Variants in GANC observed in about 807,000 individuals in gnomAD.
The protein encoded by GANC is neutral alpha-glucosidase C.
GANC carries 117 observed loss-of-function variants against 124.2 expected under a neutral mutation model. The ratio of observed to expected loss-of-function variants is 0.94; its 90% CI spans 0.81 to 1.10. The LOEUF is 1.10. GANC is among the 50% of genes least tolerant of loss of function. GANC has a pLI of 0.00. For missense variants in GANC, 1,140 were observed against 1,095.0 expected (o/e 1.04, Z -0.58); for synonymous variants, 377 against 376.8 (o/e 1.00, Z -0.01).
At chr15:42,284,824 G>A (rs993592172) in intron 3 of GANC, among the ~76,000 whole-genome samples, 2 of 152,056 alleles carry the variant, frequency 1.3e-5, no homozygotes, top group African/African-American at 4.8e-5. Context: ...ATACTTCTAA[G>A]GGAGCAAAAC....
intron 6 of GANC, among the ~76,000 whole-genome samples, chr15:42,305,114 T>C (rs1236343065): frequency 6.6e-6 from 1 of 152,106 alleles, no homozygotes; most frequent in Non-Finnish European, 1.5e-5. Context: ...ACAAATGGGA[T>C]CTGATTAAAC....
At chr15:42,334,614 C>G (rs2052270162) in intron 15 of GANC, among the ~76,000 whole-genome samples, 1 of 151,778 alleles carries the variant, frequency 6.6e-6, no homozygotes, top group Non-Finnish European at 1.5e-5. Context: ...AATGAAATGG[C>G]AAGCCACCGA....
chr15:42,305,403 A>G (rs1263564574), intron 6 of GANC, among the ~76,000 whole-genome samples: 2 of 152,246 alleles, frequency 1.3e-5, no homozygotes, highest in Non-Finnish European at 1.5e-5. Context: ...ATGAGATACC[A>G]TCTCACACCA....
intron 1 of GANC, 78 bp from the exon 2 acceptor site, chr15:42,276,270 C>G: frequency 1.4e-6 from 1 of 713,298 alleles, no homozygotes. Flanking sequence ...CATGTTCATA[C>G]TGTCGTTAGA....
At chr15:42,277,915 GAAAAA>G (rs59950616) in intron 2 of GANC, 1,097 of 83,856 alleles carry the variant, frequency 0.013, 7 homozygotes, top group Middle Eastern at 0.062. Context: ...ATGTTCATTT[GAAAAA>G]AAAAAAAAAA....
intron 6 of GANC, among the ~76,000 whole-genome samples, chr15:42,305,915 G>T (rs539688036): frequency 6.6e-6 from 1 of 152,128 alleles, no homozygotes; most frequent in African/African-American, 2.4e-5. Context: ...GACACAGGGA[G>T]GGGAACATCA....
Position 42,345,805 on chromosome 15 carries a change from T to C in GANC, c.2277T>C (p.Thr759=), listed in dbSNP as rs755432901. The change falls in exon 20 of 24, where the codon ACT becomes ACC. Residue 759 remains threonine (T), a synonymous_variant. Transcript: ENST00000318010. ...TTGCTCATTGGGAAGGAGGGTGTAC[T>C]GTAAAGATCCCAGTAGCCTTGGACA... ...KTFAHWEGGC[T]VKIPVALDTI... is the part of the protein sequence containing the mutation. The C allele has an allele frequency of 2.7e-5, 44 of 1,611,444 alleles. No individual in the cohort carries two copies. The highest frequency in any genetic ancestry group is 1.6e-4 in the Middle Eastern group (1 of 6,076).
At chr15:42,324,552 C>T (rs1248933041) in intron 11 of GANC, among the ~76,000 whole-genome samples, 2 of 152,060 alleles carry the variant, frequency 1.3e-5, no homozygotes, top group African/African-American at 2.4e-5. Context: ...GGTTGCAACT[C>T]CATTGACAGA....
At chr15:42,340,551 C>A in intron 17 of GANC, 139 bp from the exon 18 acceptor site, 1 of 641,702 alleles carries the variant, frequency 1.6e-6, no homozygotes, top group Non-Finnish European at 2.6e-6. Context: ...CTGCAGTGAG[C>A]CAAGATAGCA....
chr15:42,349,591 T>C, intron 22 of GANC, 96 bp downstream of exon 22: 1 of 752,772 alleles, frequency 1.3e-6, no homozygotes, highest in Non-Finnish European at 2.3e-6. Context: ...TTTAAGTTAC[T>C]ATTTAAAGAA....
At chr15:42,329,497 T>C in intron 14 of GANC, 48 bp downstream of exon 14, 1 of 1,557,694 alleles carries the variant, frequency 6.4e-7, no homozygotes, top group Non-Finnish European at 8.7e-7. Flanking sequence ...ACCCACCTTT[T>C]GGCTGAAGGT....
chr15:42,346,276 G>A (rs995233188), intron 20 of GANC, among the ~76,000 whole-genome samples: 2 of 152,158 alleles, frequency 1.3e-5, no homozygotes, highest in Non-Finnish European at 2.9e-5. Flanking sequence ...AAGAACCAAG[G>A]ATGCTAGTGT....
chr15:42,313,885 A>G, intron 10 of GANC: 1 of 575,996 alleles, frequency 1.7e-6, no homozygotes, highest in Non-Finnish European at 3.0e-6. Context: ...TTCCCAGAGA[A>G]AGGCTGCAGT....
intron 22 of GANC, among the ~76,000 whole-genome samples, chr15:42,350,905 T>C (rs1310269271): frequency 6.7e-6 from 1 of 148,640 alleles, no homozygotes; most frequent in Non-Finnish European, 1.5e-5. Context: ...GGAGTCTCAC[T>C]GTATCACCCA....
rs1270751644 is a variant in GANC, at chr15:42,348,207, A to G, written c.2409A>G (p.Leu803=). Residue 803 remains leucine, a synonymous_variant, in exon 21 of 24, where the codon CTA becomes CTG. Transcript: ENST00000318010. ...CCTCCTATGGACTCCGGGTTGCTCT[A>G]AGCACTAAGGTATTTGGTAAATCTG... The part of the protein sequence containing the change: ...TESSYGLRVA[L]STKGSSVGEL... The G allele has an allele frequency of 4.4e-6, 7 of 1,603,722 alleles. No homozygotes were observed. Among genetic ancestry groups the G allele is most frequent in the Non-Finnish European group, 6.0e-6 (7 of 1,171,700 alleles).
At chr15:42,290,490 CT>C (rs1200593119) in intron 4 of GANC, among the ~76,000 whole-genome samples, 1 of 152,122 alleles carries the variant, frequency 6.6e-6, no homozygotes, top group Non-Finnish European at 1.5e-5. Context: ...CAGGCATTAA[CT>C]GGGAAAACGT....
At chr15:42,346,296 T>A (rs1468525706) in intron 20 of GANC, among the ~76,000 whole-genome samples, 1 of 152,160 alleles carries the variant, frequency 6.6e-6, no homozygotes, top group Non-Finnish European at 1.5e-5. Context: ...TTCTGCACAA[T>A]AGCACATATG....
chr15:42,287,098 G>C (rs1364419271), intron 3 of GANC, among the ~76,000 whole-genome samples: 3 of 152,274 alleles, frequency 2.0e-5, no homozygotes, highest in East Asian at 3.9e-4. Context: ...ATTTTACTTA[G>C]GTTCCCCAGC....
intron 10 of GANC, among the ~76,000 whole-genome samples, chr15:42,319,295 C>T (rs1173712483): frequency 6.6e-6 from 1 of 152,070 alleles, no homozygotes; most frequent in Admixed American, 6.5e-5. Flanking sequence ...TTCAGTCAGA[C>T]AAACTCATGA....
Sources: gnomAD v4.1 joint callset for allele counts (sites outside exome capture counted in the v4.1 genomes callset) on GRCh38, gnomAD v4.1.1 for gene constraint, MANE v1.5 for transcripts, NCBI Gene and HGNC (gene_info 2026-07-23, HGNC 2026-07-21) for gene names.